FRMD4B: variants seen among roughly 807,000 people sequenced by gnomAD.
FRMD4B encodes the protein FERM domain containing 4B, also known as FERM domain-containing protein 4B.
A neutral mutation model predicts 141.5 loss-of-function variants in FRMD4B; 74 were observed. The ratio of observed to expected loss-of-function variants is 0.52; its 90% CI spans 0.43 to 0.63. The LOEUF is 0.63. FRMD4B is among the 30% of genes least tolerant of loss of function. The probability of loss-of-function intolerance (pLI) is 0.00; values close to 1 mark genes in which losing one functional copy is unlikely to be tolerated. For missense variants in FRMD4B, 1,366 were observed against 1,253.4 expected (o/e 1.09, Z -1.36); for synonymous variants, 506 against 467.9 (o/e 1.08, Z -1.05).
At chr3:69,448,690 A>G (rs79966786) in intron 1 of FRMD4B, among the ~76,000 whole-genome samples, 5,331 of 152,346 alleles carry the variant, frequency 0.035, 296 homozygotes, top group African/African-American at 0.12. Flanking sequence ...AATTTGAGAT[A>G]CAAGAGATAC....
chr3:69,493,240 A>G (rs1559544459), intron 1 of FRMD4B, among the ~76,000 whole-genome samples: 1 of 152,218 alleles, frequency 6.6e-6, no homozygotes, highest in Admixed American at 6.5e-5. Flanking sequence ...AGAGTAGAGT[A>G]CAGTGTAAGG....
At chr3:69,405,228 C>T (rs994306373) in intron 2 of FRMD4B, among the ~76,000 whole-genome samples, 1 of 152,222 alleles carries the variant, frequency 6.6e-6, no homozygotes, top group Non-Finnish European at 1.5e-5. Context: ...TTACACGTGT[C>T]ATTCATTCTG....
intron 5 of FRMD4B, among the ~76,000 whole-genome samples, chr3:69,272,929 T>C (rs1024110833): frequency 6.6e-6 from 1 of 152,236 alleles, no homozygotes; most frequent in African/African-American, 2.4e-5. Flanking sequence ...TACAAAAGTA[T>C]GAAAATATCT....
intron 5 of FRMD4B, among the ~76,000 whole-genome samples, chr3:69,275,444 T>TC (rs66518151): frequency 6.0e-4 from 12 of 20,090 alleles, no homozygotes; most frequent in Non-Finnish European, 1.2e-3. Context: ...CTCTCTCTCT[T>TC]TTTTTTTTTT....
chr3:69,362,974 T>A (rs1703513514), intron 1 of FRMD4B, among the ~76,000 whole-genome samples: 1 of 133,400 alleles, frequency 7.5e-6, no homozygotes. Flanking sequence ...TTATATTGTA[T>A]CAGAATGCTT....
chr3:69,490,816 T>C (rs1437592885), intron 1 of FRMD4B, among the ~76,000 whole-genome samples: 1 of 152,172 alleles, frequency 6.6e-6, no homozygotes, highest in Non-Finnish European at 1.5e-5. Context: ...CGTTGGCCGA[T>C]GCCTTTAGGG....
At chr3:69,472,305 T>C in intron 1 of FRMD4B, 1 of 427,480 alleles carries the variant, frequency 2.3e-6, no homozygotes, top group Non-Finnish European at 4.6e-6. Context: ...CTGCAACTTT[T>C]TTTTTCTTTG....
chr3:69,309,205 G>A (rs1415460525), intron 3 of FRMD4B, among the ~76,000 whole-genome samples: 1 of 151,728 alleles, frequency 6.6e-6, no homozygotes, highest in Admixed American at 6.6e-5. Flanking sequence ...ACTCACTGTA[G>A]CCTTGAACTC....
At chr3:69,217,143 C>G (rs1287797289) in intron 10 of FRMD4B, among the ~76,000 whole-genome samples, 1 of 152,186 alleles carries the variant, frequency 6.6e-6, no homozygotes, top group African/African-American at 2.4e-5. Context: ...TTTTGGAGAA[C>G]TGTACAATTC....
chr3:69,243,164 CAG>C (rs1553708475), intron 7 of FRMD4B, among the ~76,000 whole-genome samples: 1 of 152,110 alleles, frequency 6.6e-6, no homozygotes, highest in Non-Finnish European at 1.5e-5. Flanking sequence ...CTTGGAAATT[CAG>C]ACTGTCATCT....
chr3:69,454,586 C>T (rs907473234), intron 1 of FRMD4B, among the ~76,000 whole-genome samples: 1 of 152,230 alleles, frequency 6.6e-6, no homozygotes. Context: ...CCCAGGCCAG[C>T]AGCTGCGGAG....
In FRMD4B at chr3:69,191,243, A is replaced by T. The variant is rs550491861; in HGVS notation, c.1715-1291T>A. ...AAGACCAGCCTGGCCAACACAGTGA[A>T]ATCCTGTCTCTATGAAAAATACAAA... On this transcript the variant is annotated intron_variant, in intron 17 of 22. Coordinates refer to ENST00000398540, the MANE Select transcript of FRMD4B (RefSeq NM_015123.3). Among the ~76,000 whole-genome samples, 4 of 152,270 alleles carry T rather than the reference A, an allele frequency of 2.6e-5. No individual in the cohort carries two copies. The East Asian group carries it at 7.7e-4, about 29-fold the overall frequency.
chr3:69,466,725 A>G (rs1296354693), intron 1 of FRMD4B, among the ~76,000 whole-genome samples: 1 of 152,100 alleles, frequency 6.6e-6, no homozygotes, highest in Non-Finnish European at 1.5e-5. Flanking sequence ...TTGAGACAGG[A>G]TCACTCTGTC....
intron 1 of FRMD4B, among the ~76,000 whole-genome samples, chr3:69,510,196 A>G (rs981505291): frequency 3.9e-5 from 6 of 152,130 alleles, no homozygotes; most frequent in Non-Finnish European, 8.8e-5. Context: ...CTTAGTATAT[A>G]GTAAACTGAT....
intron 1 of FRMD4B, among the ~76,000 whole-genome samples, chr3:69,531,981 T>C (rs1431867197): frequency 6.6e-6 from 1 of 152,216 alleles, no homozygotes; most frequent in Non-Finnish European, 1.5e-5. Flanking sequence ...ACTTTTTTTC[T>C]CTTAAAAATA....
chr3:69,252,672 G>A (rs1343187130), intron 5 of FRMD4B, among the ~76,000 whole-genome samples: 5 of 152,112 alleles, frequency 3.3e-5, no homozygotes, highest in Non-Finnish European at 7.4e-5. Flanking sequence ...ATTTAATTAA[G>A]ACTTAAAAAG....
chr3:69,514,816 C>G (rs1290250097), intron 1 of FRMD4B, among the ~76,000 whole-genome samples: 1 of 152,084 alleles, frequency 6.6e-6, no homozygotes, highest in East Asian at 1.9e-4. Context: ...TCAAAACAAT[C>G]CCTGTCAAAA....
chr3:69,349,482 T>A (rs573118540), intron 1 of FRMD4B, among the ~76,000 whole-genome samples: 1 of 152,148 alleles, frequency 6.6e-6, no homozygotes, highest in Non-Finnish European at 1.5e-5. Context: ...ACTTTAAAGT[T>A]CATATAGAAC....
At chr3:69,261,397 G>A (rs1489185421) in intron 5 of FRMD4B, among the ~76,000 whole-genome samples, 1 of 152,188 alleles carries the variant, frequency 6.6e-6, no homozygotes, top group East Asian at 1.9e-4. Context: ...TTATTAACAT[G>A]CAGGATTATG....
Sources: allele counts gnomAD v4.1 joint callset (sites outside exome capture counted in the v4.1 genomes callset), GRCh38; gene constraint gnomAD v4.1.1; transcripts MANE v1.5; gene names NCBI Gene and HGNC (gene_info 2026-07-23, HGNC 2026-07-21).